RAB27A: variants seen among roughly 807,000 people sequenced by gnomAD.
RAB27A encodes the protein ras-related protein Rab-27A.
In RAB27A, 17 loss-of-function variants were observed where a neutral mutation model predicts 20.8. The ratio of observed to expected loss-of-function variants is 0.82; its 90% CI spans 0.56 to 1.23. RAB27A has a LOEUF of 1.23. Ranked by LOEUF, RAB27A falls within the 50% of genes most tolerant of loss-of-function variation. RAB27A has a pLI of 0.00. For synonymous variants in RAB27A, 85 were observed against 92.8 expected, an observed-to-expected ratio of 0.92 and a Z score of 0.48; for missense variants, 277 against 266.7, an observed-to-expected ratio of 1.04 and a Z score of -0.27.
At chr15:55,274,815 T>TATATATATATATATATACAC (rs1188210380) in intron 1 of RAB27A, among the ~76,000 whole-genome samples, 14 of 135,086 alleles carry the variant, frequency 1.0e-4, no homozygotes, top group African/African-American at 3.5e-4. Flanking sequence ...TATATATATA[T>TATATATATATATATATACAC]ATATATATAT....
At chr15:55,262,547 A>G (rs1897311879) in intron 2 of RAB27A, among the ~76,000 whole-genome samples, 1 of 150,184 alleles carries the variant, frequency 6.7e-6, no homozygotes, top group African/African-American at 2.4e-5. Flanking sequence ...GACTCAAAGA[A>G]AAAAAAAAAA....
rs755338751 is a variant in RAB27A, at chr15:55,223,954, CTT to C, written c.400_401del (p.Lys134GlufsTer2). On this transcript the variant is annotated frameshift_variant, in exon 6 of 7. Coordinates refer to ENST00000336787, the MANE Select transcript of RAB27A (RefSeq NM_183235.3). LOFTEE classifies it high-confidence loss of function. ...ENPDIVLCGNKSDLEDQRVVK... is the reference protein window; with the variant it reads ...ENPDIVLCGNXSDLEDQRVVK... ...CTACTCTCTGGTCCTCCAGATCACT[CTT>C]GTTTCCACACAGCACTATATCTGGG... 12 of 1,612,424 alleles carry C rather than the reference CTT, an allele frequency of 7.4e-6. No homozygotes were observed. The highest frequency in any genetic ancestry group is 1.1e-5 in the South Asian group (1 of 91,056).
chr15:55,310,244 G>A (rs1457517799), intron 2 of RAB27A, among the ~76,000 whole-genome samples: 5 of 152,174 alleles, frequency 3.3e-5, no homozygotes, highest in African/African-American at 9.7e-5. Context: ...AGATCTGGAG[G>A]ACAGTTGTCC....
chr15:55,269,022 G>T (rs1468702631), intron 2 of RAB27A, among the ~76,000 whole-genome samples: 1 of 152,168 alleles, frequency 6.6e-6, no homozygotes, highest in Non-Finnish European at 1.5e-5. Flanking sequence ...ATAGGGAGAA[G>T]ACAGCCATCC....
chr15:55,299,826 CTTTT>C (rs1189966751), intron 2 of RAB27A, among the ~76,000 whole-genome samples: 1 of 142,524 alleles, frequency 7.0e-6, no homozygotes, highest in African/African-American at 2.6e-5. Context: ...CTTTTTTTTT[CTTTT>C]TTTTTTTTGA....
chr15:55,223,278 G>A (rs146357192), intron 6 of RAB27A, among the ~76,000 whole-genome samples: 4,243 of 152,086 alleles, frequency 0.028, 199 homozygotes, highest in African/African-American at 0.094. Context: ...AGGCTGAGGC[G>A]GGTGGGTCAC....
At chr15:55,250,089 A>G (rs1173157701) in intron 2 of RAB27A, among the ~76,000 whole-genome samples, 1 of 151,920 alleles carries the variant, frequency 6.6e-6, no homozygotes, top group African/African-American at 2.4e-5. Context: ...CAGCCTCCCT[A>G]GTGGCTGCGA....
rs893727791 is a variant in RAB27A at position 55,206,226 on chromosome 15, A to C, written c.468-521T>G. ...ACTGTCTCAAAAAAAATCAATTTTC[A>C]TTTTTTAAAGGACCATATATATATT... On this transcript the variant is annotated intron_variant, in intron 6 of 6. Coordinates refer to ENST00000336787, the MANE Select transcript of RAB27A (RefSeq NM_183235.3). 4.8e-6 allele frequency: 3 copies of C among 621,032 alleles called. No homozygotes were observed. The Admixed American group carries it at 1.9e-4, about 39-fold the overall frequency. The allele number at this position is 621,032 out of a possible 1,614,324, so 38.5% of individuals were successfully genotyped here.
intron 6 of RAB27A, among the ~76,000 whole-genome samples, chr15:55,221,434 T>A (rs761541098): frequency 2.0e-5 from 3 of 152,182 alleles, no homozygotes; most frequent in Admixed American, 6.5e-5. Flanking sequence ...GTTCTCTCCC[T>A]GTTTCTTTTC....
In RAB27A at chr15:55,228,605, T is replaced by G; in HGVS notation, c.343+4A>C. 1.3e-6 allele frequency: 2 copies of G among 1,579,964 alleles called. No homozygotes were observed. The highest frequency in any genetic ancestry group is 1.7e-6 in the Non-Finnish European group (2 of 1,148,956). On this transcript the variant is annotated splice_donor_region_variant and intron_variant, in intron 5 of 6. Transcript: ENST00000336787. Reference sequence around the variant, plus strand: ...GCAGGACACTGGGGAACAATAACACTTACTTATCCAGTTTCTGACATTGAG... The same window carrying G: ...GCAGGACACTGGGGAACAATAACACGTACTTATCCAGTTTCTGACATTGAG...
At chr15:55,286,757 C>T (rs1898164664) in intron 1 of RAB27A, among the ~76,000 whole-genome samples, 1 of 151,938 alleles carries the variant, frequency 6.6e-6, no homozygotes, top group South Asian at 2.1e-4. Context: ...ACATAATAGA[C>T]TCTGGCTGCT....
chr15:55,267,965 T>C (rs557578858), intron 2 of RAB27A, among the ~76,000 whole-genome samples: 5 of 152,140 alleles, frequency 3.3e-5, no homozygotes, highest in Non-Finnish European at 7.3e-5. Flanking sequence ...AAATGGTTGT[T>C]TGTATTCTTA....
intron 6 of RAB27A, among the ~76,000 whole-genome samples, chr15:55,216,873 G>T (rs556099858): frequency 2.6e-5 from 4 of 152,162 alleles, no homozygotes; most frequent in Non-Finnish European, 5.9e-5. Context: ...TTCATGAAAT[G>T]CTGGAAGACA....
chr15:55,288,395 C>A (rs568573189), intron 1 of RAB27A, among the ~76,000 whole-genome samples: 1 of 152,090 alleles, frequency 6.6e-6, no homozygotes, highest in African/African-American at 2.4e-5. Flanking sequence ...GTAGCACACA[C>A]CTGTAATTCC....
At chr15:55,291,330 G>C (rs1379494166), upstream of RAB27A, among the ~76,000 whole-genome samples, 1 of 151,968 alleles carries the variant, frequency 6.6e-6, no homozygotes, top group African/African-American at 2.4e-5. Flanking sequence ...CTAACACGGT[G>C]AAACCCCGTC....
At chr15:55,299,359 C>T (rs1039927944) in intron 2 of RAB27A, among the ~76,000 whole-genome samples, 10 of 152,250 alleles carry the variant, frequency 6.6e-5, no homozygotes, top group Non-Finnish European at 1.5e-4. Flanking sequence ...TCTGGGAGGC[C>T]AAGGTGGGTG....
chr15:55,289,934 G>A (rs1241939058), upstream of RAB27A: 1 of 152,148 alleles, frequency 6.6e-6, no homozygotes, highest in African/African-American at 2.4e-5. Context: ...GGGGGGCGGG[G>A]TGCTGTCGCG....
At chr15:55,233,870 A>C (rs1435586561) in intron 3 of RAB27A, among the ~76,000 whole-genome samples, 1 of 152,220 alleles carries the variant, frequency 6.6e-6, no homozygotes, top group Non-Finnish European at 1.5e-5. Context: ...AAATAATCAC[A>C]TACATATATG....
At chr15:55,237,748 C>T (rs1406303040) in intron 2 of RAB27A, among the ~76,000 whole-genome samples, 1 of 152,090 alleles carries the variant, frequency 6.6e-6, no homozygotes, top group South Asian at 2.1e-4. Context: ...CAATACCGAT[C>T]CTGCAGTGAG....
Sources: allele counts gnomAD v4.1 joint callset (sites outside exome capture counted in the v4.1 genomes callset), GRCh38; gene constraint gnomAD v4.1.1; transcripts MANE v1.5; gene names NCBI Gene and HGNC (gene_info 2026-07-23, HGNC 2026-07-21).